Variants in MORC2 observed in about 807,000 individuals in gnomAD.
MORC2 encodes the protein MORC family CW-type zinc finger 2, also known as ATPase MORC2.
MORC2 carries 30 observed loss-of-function variants against 136.0 expected under a neutral mutation model. The observed-to-expected ratio is 0.22, with a 90% CI of 0.17 to 0.30. The LOEUF (loss-of-function observed/expected upper bound fraction) is 0.30. Ranked by LOEUF, MORC2 falls within the 10% of genes least tolerant of loss-of-function variation. The probability of loss-of-function intolerance (pLI) is 1.00; values close to 1 mark genes in which losing one functional copy is unlikely to be tolerated. For synonymous variants in MORC2, 439 were observed against 487.0 expected (o/e 0.90, Z 1.30); for missense variants, 922 against 1,333.1 (o/e 0.69, Z 4.80).
At chr22:30,927,867 T>G in intron 25 of MORC2, 152 bp downstream of exon 25, 2 of 932,598 alleles carry the variant, frequency 2.1e-6, no homozygotes, top group Non-Finnish European at 3.2e-6. Flanking sequence ...CCACACCATC[T>G]CAAGCCCTCC....
chr22:30,946,214 A>C (rs1020694239), intron 6 of MORC2, 127 bp downstream of exon 6: 14 of 650,406 alleles, frequency 2.2e-5, no homozygotes, highest in African/African-American at 3.6e-5. Context: ...ACTGCATAAC[A>C]ATTAGGGGGA....
Position 30,950,416 on chromosome 22 carries a change from T to A in MORC2, c.187A>T (p.Met63Leu), listed in dbSNP as rs748092969. ...ERREDLRGGF[M>L]LCFLDDGAGM... Reference sequence around the variant, plus strand: ...GCTCCATCATCCAAAAAGCAAAGCATAAATCCTCCTCGAAGGTCCTCTCGT... The same window carrying A: ...GCTCCATCATCCAAAAAGCAAAGCAAAAATCCTCCTCGAAGGTCCTCTCGT... Residue 63 changes from methionine to leucine, a missense_variant, in exon 4 of 26, where the codon ATG (methionine) becomes TTG (leucine). Met to Leu is a conservative substitution (Grantham distance 15). This residue lies in a region of MORC2 where 57 missense variants were observed against 71.8 expected (regional missense o/e 0.79). Coordinates refer to ENST00000397641, the MANE Select transcript of MORC2 (RefSeq NM_001303256.3). 1.1e-5 allele frequency: 16 copies of A among 1,395,144 alleles called. No homozygotes were observed. In the East Asian group the frequency reaches 5.7e-4, roughly 49 times the overall value. 86.4% of individuals were successfully genotyped at this position (1,395,144 alleles called of 1,614,324 possible). A position where few individuals can be genotyped will look rare whatever the true frequency, so the allele number is the denominator to read the frequency against.
intron 1 of MORC2, among the ~76,000 whole-genome samples, chr22:30,963,036 CG>C (rs1322751364): frequency 6.6e-6 from 1 of 150,958 alleles, no homozygotes; most frequent in African/African-American, 2.4e-5. Context: ...TGCAGTGGTG[CG>C]ATCGGCTCAC....
intron 5 of MORC2, among the ~76,000 whole-genome samples, chr22:30,948,791 G>A (rs2040851912): frequency 1.3e-5 from 2 of 152,144 alleles, no homozygotes; most frequent in South Asian, 2.1e-4. Context: ...ACCTCACAGG[G>A]CTATCATGAG....
intron 20 of MORC2, 132 bp from the exon 21 acceptor site, chr22:30,933,652 C>T (rs1602479607): frequency 5.1e-5 from 44 of 867,070 alleles, no homozygotes; most frequent in South Asian, 4.0e-4. Flanking sequence ...CACCAAGCCC[C>T]GTTGAGAGCC....
intron 1 of MORC2, chr22:30,967,602 T>C: frequency 7.4e-7 from 1 of 1,354,062 alleles, no homozygotes; most frequent in Non-Finnish European, 9.5e-7. Flanking sequence ...TTTAGAAAAT[T>C]TTGATCCAAT....
chr22:30,961,094 T>C (rs2041039330), intron 1 of MORC2, among the ~76,000 whole-genome samples: 1 of 152,034 alleles, frequency 6.6e-6, no homozygotes, highest in Non-Finnish European at 1.5e-5. Context: ...GCTCTTGAAC[T>C]CCTGACCTCA....
intron 1 of MORC2, among the ~76,000 whole-genome samples, chr22:30,964,445 G>C (rs2041094678): frequency 6.6e-6 from 1 of 152,090 alleles, no homozygotes; most frequent in South Asian, 2.1e-4. Context: ...AAAATAAATA[G>C]CAGACATCTT....
chr22:30,966,936 TA>T, intron 1 of MORC2: 1 of 213,382 alleles, frequency 4.7e-6, no homozygotes, highest in Non-Finnish European at 8.1e-6. Flanking sequence ...CATCAAAAGC[TA>T]AAAACCATTG....
chr22:30,950,929 T>C (rs916049734), intron 3 of MORC2, among the ~76,000 whole-genome samples: 1 of 152,212 alleles, frequency 6.6e-6, no homozygotes, highest in African/African-American at 2.4e-5. Flanking sequence ...AAACCAGACA[T>C]GGTATGGGCA....
intron 18 of MORC2, 22 bp from the exon 19 acceptor site, chr22:30,935,183 G>T (rs912393291): frequency 6.2e-6 from 10 of 1,612,378 alleles, no homozygotes; most frequent in Admixed American, 5.0e-5. Context: ...CCCACAGAGA[G>T]TGAGAACACT....
chr22:30,938,164 A>G lies in MORC2; in HGVS notation c.1115T>C (p.Val372Ala), dbSNP rs2147257307. 6.2e-7 allele frequency: 1 copy of G among 1,614,130 alleles called. No individual in the cohort carries two copies. The highest frequency in any genetic ancestry group is 2.2e-5 in the East Asian group (1 of 44,880). The change falls in exon 13 of 26, where the codon GTC becomes GCC. Residue 372 changes from valine to alanine, a missense_variant. Physicochemically the swap from Val to Ala is moderately conservative, Grantham distance 64. Transcript: ENST00000397641. ...EPKELNFVFG[V>A]NIEHRDLDGM... The stretch of plus-strand genomic sequence containing the variant: ...ATCCAGATCCCGGTGTTCAATGTTG[A>G]CACCAAAAACAAAATTCAGTTCCTT...
chr22:30,954,520 G>A (rs1324108616), intron 3 of MORC2, among the ~76,000 whole-genome samples: 1 of 152,104 alleles, frequency 6.6e-6, no homozygotes, highest in African/African-American at 2.4e-5. Flanking sequence ...TGCATTAATT[G>A]TCTCTCCAAT....
intron 2 of MORC2, among the ~76,000 whole-genome samples, chr22:30,958,007 C>T (rs2040991618): frequency 6.6e-6 from 1 of 152,188 alleles, no homozygotes. Flanking sequence ...AAGACTAAGA[C>T]ACTATTTTCC....
At position 30,941,022 on chromosome 22, in the gene MORC2, C is replaced by T. The variant is rs1191233894; in HGVS notation, c.825-185G>A. Among the ~76,000 whole-genome samples, 1 of 152,172 alleles carries T rather than the reference C, an allele frequency of 6.6e-6. No individual in the cohort carries two copies. Among genetic ancestry groups the T allele is most frequent in the East Asian group, 1.9e-4 (1 of 5,186 alleles). ...GTTCCTTATTCCACTTGCCCTTAGC[C>T]TCCTGCTGTCTTTGATAAGCAACCT... On this transcript the variant is annotated intron_variant, in intron 9 of 25. Transcript: ENST00000397641. The surrounding 1 kb of genome is among the most constrained non-coding windows in gnomAD (Gnocchi z 4.6).
intron 16 of MORC2, 133 bp downstream of exon 16, chr22:30,936,799 C>T: frequency 7.8e-7 from 1 of 1,286,206 alleles, no homozygotes; most frequent in Non-Finnish European, 1.1e-6. Context: ...GGACATACAT[C>T]TATTTTTATT....
Position 30,932,787 on chromosome 22 carries a change from C to T in MORC2, c.2523-18G>A. 6.2e-7 allele frequency: 1 copy of T among 1,613,810 alleles called. No homozygotes were observed. Among genetic ancestry groups the T allele is most frequent in the Non-Finnish European group, 8.5e-7 (1 of 1,179,754 alleles). On this transcript the variant is annotated intron_variant, in intron 22 of 25. Transcript: ENST00000397641. This position sits in a 1 kb window ranked among gnomAD's most constrained non-coding sequence, Gnocchi z 4.4. The stretch of plus-strand genomic sequence containing the variant: ...TCTCCACCCTGTGGAAGACACACAG[C>T]TTATGTCATGTCTGACCCGGGCTCC...
At position 30,968,050 on chromosome 22, in the gene MORC2, G is replaced by T; in HGVS notation, c.-161C>A. ...AGCTATCCAAAATATATGCAGAGAT[G>T]TTTAAAACTACAATTTCTTCAAGTG... On this transcript the variant is annotated 5_prime_UTR_variant, in exon 1 of 26. Coordinates refer to ENST00000397641, the MANE Select transcript of MORC2 (RefSeq NM_001303256.3). The T allele has an allele frequency of 1.8e-6, 1 of 560,552 alleles. No individual in the cohort carries two copies. The highest frequency in any genetic ancestry group is 3.1e-5 in the East Asian group (1 of 32,284). 34.7% of individuals were successfully genotyped at this position (560,552 alleles called of 1,614,324 possible). A position where few individuals can be genotyped will look rare whatever the true frequency, so the allele number is the denominator to read the frequency against.
At position 30,934,607 on chromosome 22, in the gene MORC2, G is replaced by A. The variant is rs118054267; in HGVS notation, c.2193+174C>T. On this transcript the variant is annotated intron_variant, in intron 19 of 25. Transcript: ENST00000397641. This position sits in a 1 kb window ranked among gnomAD's most constrained non-coding sequence, Gnocchi z 4.4. The stretch of plus-strand genomic sequence containing the variant: ...TCGCTGTACAGGCAACCGATGTGCT[G>A]TCTGGCCCCAACAAGTCCGTTCAGC... Among the ~76,000 whole-genome samples the A allele has an allele frequency of 1.4e-3, 208 of 152,314 alleles. 2 individuals are homozygous for A. The East Asian group carries it at 0.019, about 14-fold the overall frequency.
Sources: gnomAD v4.1 joint callset for allele counts (sites outside exome capture counted in the v4.1 genomes callset) on GRCh38, gnomAD v4.1.1 for gene constraint, gnomAD v4.1.1 regional missense constraint, Gnocchi (gnomAD v3.1) non-coding constraint, MANE v1.5 for transcripts, NCBI Gene and HGNC (gene_info 2026-07-23, HGNC 2026-07-21) for gene names.